The following THADA variants were observed in gnomAD, a reference collection of about 807,000 sequenced individuals.
THADA encodes tRNA (32-2'-O)-methyltransferase regulator THADA.
In THADA, 213 loss-of-function variants were observed where a neutral mutation model predicts 219.8. That is an observed-to-expected ratio of 0.97 (90% confidence interval 0.87 to 1.09). The LOEUF (loss-of-function observed/expected upper bound fraction) is 1.09. Among genes scored for constraint, THADA ranks in the 50% least tolerant of loss-of-function variants. The pLI is 0.00. For synonymous variants in THADA, 1,018 were observed against 828.9 expected (o/e 1.23, Z -3.92); for missense variants, 2,956 against 2,311.3 (o/e 1.28, Z -5.72).
chr2:43,541,390 A>G (rs111690987), intron 20 of THADA, 74 bp from the exon 21 acceptor site: 11 of 1,551,868 alleles, frequency 7.1e-6, no homozygotes, highest in African/African-American at 5.5e-5. Context: ...AAGCTTATTC[A>G]TAATTTCCCC....
At chr2:43,401,404 G>A (rs1205973387) in intron 28 of THADA, among the ~76,000 whole-genome samples, 3 of 151,936 alleles carry the variant, frequency 2.0e-5, no homozygotes, top group Non-Finnish European at 4.4e-5. Context: ...TCAGCCTCCC[G>A]AGTAGCTGGG....
chr2:43,278,293 T>A (rs1672959013), intron 36 of THADA, among the ~76,000 whole-genome samples: 1 of 152,106 alleles, frequency 6.6e-6, no homozygotes, highest in South Asian at 2.1e-4. Context: ...ATTGCCTAAC[T>A]TCTGATTAAA....
chr2:43,585,907 T>G (rs543974392), intron 7 of THADA, among the ~76,000 whole-genome samples: 96 of 152,138 alleles, frequency 6.3e-4, no homozygotes, highest in Non-Finnish European at 2.6e-4. Flanking sequence ...TATAAAAACT[T>G]TGAATTTATT....
At chr2:43,523,634 T>A (rs1692777660) in intron 22 of THADA, among the ~76,000 whole-genome samples, 1 of 152,204 alleles carries the variant, frequency 6.6e-6, no homozygotes, top group Admixed American at 6.5e-5. Flanking sequence ...AAATACATAT[T>A]TAAATGATTT....
chr2:43,533,848 G>A (rs1166595895), intron 21 of THADA, among the ~76,000 whole-genome samples: 1 of 152,112 alleles, frequency 6.6e-6, no homozygotes, highest in Non-Finnish European at 1.5e-5. Context: ...CGTGGCACAT[G>A]TATACCTACG....
intron 36 of THADA, among the ~76,000 whole-genome samples, chr2:43,265,539 T>G (rs980155857): frequency 2.0e-5 from 3 of 152,154 alleles, no homozygotes; most frequent in African/African-American, 7.2e-5. Flanking sequence ...AAACGTCTGT[T>G]ATCACTCCTG....
intron 17 of THADA, among the ~76,000 whole-genome samples, chr2:43,553,942 C>A (rs1244838072): frequency 6.6e-6 from 1 of 152,128 alleles, no homozygotes; most frequent in Non-Finnish European, 1.5e-5. Flanking sequence ...TATTCAGATT[C>A]TTTGTCCAAT....
intron 36 of THADA, among the ~76,000 whole-genome samples, chr2:43,272,969 CCAGGCACGGTGGCT>C (rs1344811710): frequency 2.6e-5 from 4 of 151,840 alleles, no homozygotes; most frequent in Non-Finnish European, 4.4e-5. Flanking sequence ...TGATGGATGG[CCAGGCACGGTGGCT>C]CATGCCTGTA....
chr2:43,338,087 C>A (rs970013886), intron 30 of THADA, among the ~76,000 whole-genome samples: 1 of 151,386 alleles, frequency 6.6e-6, no homozygotes, highest in African/African-American at 2.4e-5. Flanking sequence ...ACCATCTTAT[C>A]CATTTTTGAG....
At chr2:43,380,659 A>C (rs773529419) in intron 29 of THADA, among the ~76,000 whole-genome samples, 8 of 152,246 alleles carry the variant, frequency 5.3e-5, no homozygotes, top group Non-Finnish European at 1.2e-4. Flanking sequence ...GTAACACCCT[A>C]GTAGCCATGA....
intron 7 of THADA, among the ~76,000 whole-genome samples, chr2:43,585,638 A>T (rs1700946401): frequency 6.6e-6 from 1 of 152,062 alleles, no homozygotes; most frequent in Non-Finnish European, 1.5e-5. Flanking sequence ...AGCTTCTAAT[A>T]AGAAATATAC....
intron 34 of THADA, among the ~76,000 whole-genome samples, chr2:43,289,635 G>T (rs987670637): frequency 2.0e-5 from 3 of 152,144 alleles, no homozygotes; most frequent in Admixed American, 6.6e-5. Flanking sequence ...TTAGAACTTG[G>T]TGTTTTTTTG....
chr2:43,238,010 T>A (rs1668227441), intron 36 of THADA, among the ~76,000 whole-genome samples: 2 of 147,818 alleles, frequency 1.4e-5, no homozygotes, highest in Non-Finnish European at 3.0e-5. Flanking sequence ...TCCCAGCTAC[T>A]TGGGAGGCTG....
chr2:43,433,058 G>A (rs145810146), intron 26 of THADA, among the ~76,000 whole-genome samples: 2 of 152,142 alleles, frequency 1.3e-5, no homozygotes, highest in African/African-American at 4.8e-5. Context: ...GAAAGATATC[G>A]TATATCTTCC....
intron 25 of THADA, among the ~76,000 whole-genome samples, chr2:43,495,240 T>C (rs1019213568): frequency 1.3e-5 from 2 of 152,202 alleles, no homozygotes; most frequent in Non-Finnish European, 2.9e-5. Flanking sequence ...AATATAACCA[T>C]TGATAATATT....
chr2:43,246,878 C>G (rs778165798), intron 36 of THADA, among the ~76,000 whole-genome samples: 8 of 152,144 alleles, frequency 5.3e-5, no homozygotes, highest in Non-Finnish European at 8.8e-5. Flanking sequence ...TAGGCTGACG[C>G]TGAGTGTGGA....
intron 25 of THADA, among the ~76,000 whole-genome samples, chr2:43,495,652 T>G (rs957991823): frequency 8.5e-5 from 13 of 152,148 alleles, no homozygotes; most frequent in African/African-American, 3.1e-4. Flanking sequence ...TCATTTCTGA[T>G]AGTTTGAATT....
At chr2:43,365,279 G>A (rs920495444) in intron 29 of THADA, among the ~76,000 whole-genome samples, 56 of 152,040 alleles carry the variant, frequency 3.7e-4, no homozygotes, top group African/African-American at 1.2e-3. Context: ...ATTAAAGGGC[G>A]CAAGAATATA....
chr2:43,402,790 G>C (rs1675023371), intron 28 of THADA, among the ~76,000 whole-genome samples: 1 of 152,218 alleles, frequency 6.6e-6, no homozygotes, highest in African/African-American at 2.4e-5. Flanking sequence ...TGCTGCTGCT[G>C]TGTAAGTGTG....
Sources: gnomAD v4.1 joint callset for allele counts (sites outside exome capture counted in the v4.1 genomes callset) on GRCh38, gnomAD v4.1.1 for gene constraint, MANE v1.5 for transcripts, NCBI Gene and HGNC (gene_info 2026-07-23, HGNC 2026-07-21) for gene names.